The following THADA variants were observed in gnomAD, a reference collection of about 807,000 sequenced individuals.
The protein encoded by THADA is tRNA (32-2'-O)-methyltransferase regulator THADA.
In THADA, 213 loss-of-function variants were observed where a neutral mutation model predicts 219.8. The ratio of observed to expected loss-of-function variants is 0.97; its 90% CI spans 0.87 to 1.09. The LOEUF is 1.09. THADA is among the 50% of genes least tolerant of loss of function. The pLI, the probability that THADA is intolerant of heterozygous loss-of-function variation, is 0.00. For synonymous variants in THADA, 1,018 were observed against 828.9 expected (o/e 1.23, Z -3.92); for missense variants, 2,956 against 2,311.3 (o/e 1.28, Z -5.72).
chr2:43,446,312 A>G (rs770161599), intron 26 of THADA, among the ~76,000 whole-genome samples: 5 of 152,134 alleles, frequency 3.3e-5, no homozygotes, highest in Non-Finnish European at 5.9e-5. Flanking sequence ...AAGTGGGTCT[A>G]TTTCCCGTTT....
intron 28 of THADA, 138 bp downstream of exon 28, chr2:43,427,962 C>A (rs1678704251): frequency 4.8e-6 from 2 of 414,774 alleles, no homozygotes; most frequent in African/African-American, 2.2e-5. Context: ...TCTCAAAAAA[C>A]AAACAAACAA....
Position 43,560,290 on chromosome 2 carries a change from T to C in THADA, c.2407A>G (p.Lys803Glu). The change falls in exon 16 of 38, where the codon AAA (lysine) becomes GAA (glutamate). Residue 803 changes from lysine (K) to glutamate (E), a missense_variant. Transcript: ENST00000405975. ...ATCAGAAGATCAAATGCTAAAATTT[T>C]CACGTCTTCAAAAGTGCTGGTAAAA... ...ECFTSTFEDV[K>E]ILAFDLLMKL... is the part of the protein sequence containing the mutation. 1.2e-6 allele frequency: 2 copies of C among 1,612,608 alleles called. No homozygotes were observed. The highest frequency in any genetic ancestry group is 1.7e-6 in the Non-Finnish European group (2 of 1,179,332).
In THADA at chr2:43,555,577, C is replaced by G. The variant is rs1304903115; in HGVS notation, c.2674+768G>C. Among the ~76,000 whole-genome samples, 3 of 152,202 alleles carry G rather than the reference C, an allele frequency of 2.0e-5. No homozygotes were observed. In the East Asian group the frequency reaches 5.8e-4, roughly 29 times the overall value. Reference sequence around the variant, plus strand: ...CAATAGGGTCTCCTTTGAAATCCAGCTATGAAGCAATTCAAGTAGGCAAGC... The same window carrying G: ...CAATAGGGTCTCCTTTGAAATCCAGGTATGAAGCAATTCAAGTAGGCAAGC... On this transcript the variant is annotated intron_variant, in intron 17 of 37. Transcript: ENST00000405975.
intron 20 of THADA, among the ~76,000 whole-genome samples, chr2:43,548,715 G>A (rs926235716): frequency 8.6e-5 from 13 of 151,878 alleles, no homozygotes; most frequent in East Asian, 5.8e-4. Context: ...TTTTAAGCCC[G>A]TCGGAAAAGT....
chr2:43,581,920 G>T lies in THADA; in HGVS notation c.542C>A (p.Ala181Asp). Residue 181 changes from alanine to aspartate, a missense_variant, in exon 8 of 38, where the codon GCT becomes GAT. By Grantham distance (126) the Ala-to-Asp change is moderately radical (BLOSUM62 -2). Transcript: ENST00000405975. ...CTGTGTTTGAATAATATGATTTCCA[G>T]CACATTTTCTATAAAGAAGAAAAGA... ...IEILEENRKC[A>D]GNHIIQTQLM... The T allele has an allele frequency of 6.6e-7, 1 of 1,524,302 alleles. No individual in the cohort carries two copies. 94.4% of individuals were successfully genotyped at this position (1,524,302 alleles called of 1,614,324 possible).
intron 7 of THADA, among the ~76,000 whole-genome samples, chr2:43,585,448 G>C (rs1700906144): frequency 6.6e-6 from 1 of 151,762 alleles, no homozygotes; most frequent in African/African-American, 2.4e-5. Context: ...AACCCAGGGA[G>C]GTAGAGGTGC....
rs1699158137 is a variant in THADA at position 43,570,377 on chromosome 2, A to G, written c.2187+11T>C. 2 of 1,582,860 alleles carry G rather than the reference A, an allele frequency of 1.3e-6. No individual in the cohort carries two copies. The highest frequency in any genetic ancestry group is 1.2e-5 in the South Asian group (1 of 84,870). On this transcript the variant is annotated intron_variant, in intron 14 of 37. Transcript: ENST00000405975. The stretch of plus-strand genomic sequence containing the variant: ...AAAAAAAACTCTCATGTTTAGAAAT[A>G]TATCACCTACCTTATACTGCTGTAA...
chr2:43,291,828 C>T (rs1015840268), intron 33 of THADA, 60 bp from the exon 34 acceptor site: 12 of 1,428,640 alleles, frequency 8.4e-6, no homozygotes, highest in Non-Finnish European at 1.1e-5. Flanking sequence ...ATTTCATACA[C>T]CGGTTTTTGC....
chr2:43,558,748 C>A (rs953872717), intron 16 of THADA, among the ~76,000 whole-genome samples: 1 of 152,110 alleles, frequency 6.6e-6, no homozygotes, highest in Non-Finnish European at 1.5e-5. Context: ...ATAAACTCTC[C>A]TTTATATATA....
At chr2:43,545,299 C>T (rs1178867884) in intron 20 of THADA, among the ~76,000 whole-genome samples, 16 of 151,584 alleles carry the variant, frequency 1.1e-4, no homozygotes, top group Non-Finnish European at 2.2e-4. Flanking sequence ...AGGATTTTTG[C>T]ATCAATGTTC....
chr2:43,522,411 A>C (rs1228114004), intron 22 of THADA, among the ~76,000 whole-genome samples: 1 of 152,204 alleles, frequency 6.6e-6, no homozygotes, highest in Non-Finnish European at 1.5e-5. Context: ...ATCTAAATTG[A>C]ATTACCAATC....
chr2:43,322,317 A>G lies in THADA; in HGVS notation c.4344-1777T>C, dbSNP rs139587589. 2.2e-3 allele frequency among the ~76,000 whole-genome samples: 332 copies of G among 152,130 alleles called. 2 individuals are homozygous for G. Among genetic ancestry groups the G allele is most frequent in the African/African-American group, 7.8e-3 (322 of 41,520 alleles). ...TCAGGAGATCGAGATCAGCATGGCC[A>G]ACATGGTGAAACCCCATCTCTACTA... On this transcript the variant is annotated intron_variant, in intron 30 of 37. Transcript: ENST00000405975.
intron 34 of THADA, among the ~76,000 whole-genome samples, chr2:43,290,779 C>T (rs1674603051): frequency 6.6e-6 from 1 of 151,724 alleles, no homozygotes; most frequent in African/African-American, 2.4e-5. Context: ...TATTGGCTGC[C>T]TTCTACTTGT....
At chr2:43,270,836 G>C (rs1672034744) in intron 36 of THADA, among the ~76,000 whole-genome samples, 2 of 152,166 alleles carry the variant, frequency 1.3e-5, no homozygotes, top group African/African-American at 4.8e-5. Flanking sequence ...TCCAGCCAGA[G>C]TGATGCCATG....
At position 43,300,608 on chromosome 2, in the gene THADA, G is replaced by C. The variant is rs1676147847; in HGVS notation, c.4439-7395C>G. ...TGAGGCTGCACAGGAACCTTGCTGG[G>C]AGAGGAGAGGAAAGGGCAAACGTGT... is the stretch of plus-strand genomic sequence containing the variant. On this transcript the variant is annotated intron_variant, in intron 31 of 37. Transcript: ENST00000405975. Among the ~76,000 whole-genome samples the C allele has an allele frequency of 2.0e-5, 3 of 152,294 alleles. No individual in the cohort carries two copies. The South Asian group carries it at 6.2e-4, about 32-fold the overall frequency.
intron 22 of THADA, among the ~76,000 whole-genome samples, chr2:43,522,536 G>A (rs760156143): frequency 6.6e-6 from 1 of 152,120 alleles, no homozygotes; most frequent in African/African-American, 2.4e-5. Context: ...AGATCAAGGA[G>A]AAAAATTAAT....
intron 24 of THADA, among the ~76,000 whole-genome samples, chr2:43,505,133 A>G (rs1014385157): frequency 6.6e-6 from 1 of 152,234 alleles, no homozygotes; most frequent in Non-Finnish European, 1.5e-5. Context: ...GAGTTACAAA[A>G]TGTACATCAA....
intron 26 of THADA, among the ~76,000 whole-genome samples, chr2:43,434,896 A>C (rs1397742727): frequency 6.6e-6 from 1 of 152,056 alleles, no homozygotes. Context: ...CTGAAAGAGC[A>C]CTCTGTAACA....
chr2:43,394,698 A>G (rs535029739), intron 29 of THADA, among the ~76,000 whole-genome samples: 5 of 152,364 alleles, frequency 3.3e-5, no homozygotes, highest in South Asian at 4.1e-4. Flanking sequence ...GAACCACAGG[A>G]TGGACAGAAC....
Sources: allele counts gnomAD v4.1 joint callset (sites outside exome capture counted in the v4.1 genomes callset), GRCh38; gene constraint gnomAD v4.1.1; transcripts MANE v1.5; gene names NCBI Gene and HGNC (gene_info 2026-07-23, HGNC 2026-07-21).